Variants in CCL28 observed in about 807,000 individuals in gnomAD.
CCL28 encodes the protein C-C motif chemokine 28.
CCL28 carries 4 observed loss-of-function variants against 7.1 expected under a neutral mutation model. The observed-to-expected ratio is 0.56, with a 90% CI of 0.28 to 1.29. The LOEUF is 1.29. Ranked by LOEUF, CCL28 falls within the 50% of genes most tolerant of loss-of-function variation. CCL28 has a pLI of 0.11. For synonymous variants in CCL28, 55 were observed against 57.8 expected, an observed-to-expected ratio of 0.95 and a Z score of 0.22; for missense variants, 151 against 163.4, an observed-to-expected ratio of 0.92 and a Z score of 0.41.
the CCL28 span, among the ~76,000 whole-genome samples, chr5:43,368,066 T>G: frequency 6.6e-6 from 1 of 152,184 alleles, no homozygotes; most frequent in African/African-American, 2.4e-5. Flanking sequence ...TCTGCTGGAT[T>G]CCAGGCTCCA....
chr5:43,377,983 C>T (rs1351850146), downstream of CCL28, among the ~76,000 whole-genome samples: 2 of 132,452 alleles, frequency 1.5e-5, no homozygotes, highest in African/African-American at 3.8e-5. Flanking sequence ...CCGCCCGCCT[C>T]GGCCTCCCAA....
intron 1 of CCL28, among the ~76,000 whole-genome samples, chr5:43,404,927 G>A (rs10044795): frequency 0.046 from 7,031 of 152,138 alleles, 230 homozygotes; most frequent in East Asian, 0.084. Flanking sequence ...ATTACATAAC[G>A]GTAAAGGTAT....
At chr5:43,403,597 G>C (rs1741136374) in intron 1 of CCL28, among the ~76,000 whole-genome samples, 1 of 152,180 alleles carries the variant, frequency 6.6e-6, no homozygotes, top group South Asian at 2.1e-4. Flanking sequence ...CTAAAAATCA[G>C]AGTGCCTTTC....
At chr5:43,360,710 G>A in the CCL28 span, among the ~76,000 whole-genome samples, 1 of 151,846 alleles carries the variant, frequency 6.6e-6, no homozygotes, top group South Asian at 2.1e-4. Context: ...TATGCCTATT[G>A]GCCACATGTA....
intron 1 of CCL28, among the ~76,000 whole-genome samples, chr5:43,398,365 C>A (rs556918939): frequency 2.0e-4 from 31 of 152,228 alleles, no homozygotes; most frequent in African/African-American, 7.0e-4. Context: ...CTGGGACCAC[C>A]GGTGCACACC....
the CCL28 span, among the ~76,000 whole-genome samples, chr5:43,366,555 G>T: frequency 1.3e-5 from 2 of 152,232 alleles, no homozygotes; most frequent in Admixed American, 6.5e-5. Flanking sequence ...ATGCCAGCTG[G>T]AGTTCTCCTG....
At chr5:43,399,163 C>T (rs995234009) in intron 1 of CCL28, among the ~76,000 whole-genome samples, 1 of 152,176 alleles carries the variant, frequency 6.6e-6, no homozygotes, top group African/African-American at 2.4e-5. Flanking sequence ...TTTCTCATCT[C>T]GTTTAATCAC....
At chr5:43,410,639 C>T (rs1465899885) in intron 1 of CCL28, among the ~76,000 whole-genome samples, 1 of 152,198 alleles carries the variant, frequency 6.6e-6, no homozygotes, top group Non-Finnish European at 1.5e-5. Context: ...CCTCCTCGAC[C>T]TGCTGTTCCC....
the CCL28 span, among the ~76,000 whole-genome samples, chr5:43,366,671 G>T: frequency 6.6e-6 from 1 of 152,258 alleles, no homozygotes; most frequent in Admixed American, 6.5e-5. Context: ...GAGCTCAAGT[G>T]CTATGCTGGG....
chr5:43,359,638 C>G, the CCL28 span, among the ~76,000 whole-genome samples: 1 of 152,188 alleles, frequency 6.6e-6, no homozygotes, highest in Non-Finnish European at 1.5e-5. Flanking sequence ...CTGTTCCCAA[C>G]AATAAGCAGC....
At chr5:43,403,859 G>A (rs771676361) in intron 1 of CCL28, among the ~76,000 whole-genome samples, 35 of 152,204 alleles carry the variant, frequency 2.3e-4, no homozygotes, top group Non-Finnish European at 3.8e-4. Flanking sequence ...ACTACGTGAC[G>A]AATGCAGAAG....
chr5:43,391,687 A>G (rs997820479), intron 1 of CCL28, among the ~76,000 whole-genome samples: 12 of 152,230 alleles, frequency 7.9e-5, no homozygotes, highest in Admixed American at 1.3e-4. Context: ...CAAGGCTACA[A>G]CAAACATCCT....
chr5:43,388,368 C>A lies in CCL28; in HGVS notation c.173G>T (p.Cys58Phe). 2.5e-6 allele frequency: 4 copies of A among 1,614,152 alleles called. No individual in the cohort carries two copies. The highest frequency in any genetic ancestry group is 3.4e-6 in the Non-Finnish European group (4 of 1,180,022). The part of the protein sequence containing the change: ...MCRIQRADGD[C>F]DLAAVILHVK... ...CACTCACATGACAGCAGCCAAGTCA[C>A]AATCCCCATCAGCTCTCTGGATGCG... Residue 58 changes from cysteine to phenylalanine, a missense_variant, in exon 2 of 3, where the codon TGT (cysteine) becomes TTT (phenylalanine). Coordinates refer to ENST00000361115, the MANE Select transcript of CCL28 (RefSeq NM_148672.3).
At chr5:43,385,582 C>A (rs1226828777) in intron 2 of CCL28, among the ~76,000 whole-genome samples, 1 of 152,048 alleles carries the variant, frequency 6.6e-6, no homozygotes, top group African/African-American at 2.4e-5. Context: ...ACAAGAGAAT[C>A]TTTATCTATT....
chr5:43,378,882 A>G (rs1468470008), downstream of CCL28, among the ~76,000 whole-genome samples: 1 of 151,884 alleles, frequency 6.6e-6, no homozygotes, highest in East Asian at 1.9e-4. Context: ...AATTGCTTGA[A>G]CCCAGGAGGC....
At chr5:43,394,006 C>A (rs560045279) in intron 1 of CCL28, among the ~76,000 whole-genome samples, 19 of 152,184 alleles carry the variant, frequency 1.2e-4, no homozygotes, top group Non-Finnish European at 1.9e-4. Context: ...TGTGTTAATG[C>A]TTACTCAGTA....
the CCL28 span, among the ~76,000 whole-genome samples, chr5:43,363,349 C>T: frequency 6.6e-6 from 1 of 152,188 alleles, no homozygotes; most frequent in African/African-American, 2.4e-5. Flanking sequence ...ACACACTAGA[C>T]ATGGCTCTGC....
In CCL28 at chr5:43,379,379, A is replaced by G. The variant is rs1488646896; in HGVS notation, c.*2481T>C. On this transcript the variant is annotated 3_prime_UTR_variant, in exon 3 of 3. Coordinates refer to ENST00000361115, the MANE Select transcript of CCL28 (RefSeq NM_148672.3). The stretch of plus-strand genomic sequence containing the variant: ...TATTAATATTTTAAGTTACTCTCAT[A>G]TTATATTTTATTAATTTTTTCTTAT... 1 of 152,150 alleles carries G rather than the reference A, an allele frequency of 6.6e-6. No individual in the cohort carries two copies. The highest frequency in any genetic ancestry group is 1.9e-4 in the East Asian group (1 of 5,192). The allele number at this position is 152,150 out of a possible 1,614,324, so 9.4% of individuals were successfully genotyped here. A position where few individuals can be genotyped will look rare whatever the true frequency, so the allele number is the denominator to read the frequency against.
chr5:43,412,225 G>A (rs1204011683), intron 1 of CCL28, 28 bp downstream of exon 1: 1 of 1,593,810 alleles, frequency 6.3e-7, no homozygotes, highest in Admixed American at 1.7e-5. Flanking sequence ...TTCCAGTGAA[G>A]GCCTAAGTGT....
Sources: allele counts gnomAD v4.1 joint callset (sites outside exome capture counted in the v4.1 genomes callset), GRCh38; gene constraint gnomAD v4.1.1; transcripts MANE v1.5; gene names NCBI Gene and HGNC (gene_info 2026-07-23, HGNC 2026-07-21).